The following ERI1 variants were observed in gnomAD, a reference collection of about 807,000 sequenced individuals.
The protein encoded by ERI1 is exoribonuclease 1, also known as 3'-5' exoribonuclease 1.
ERI1 carries 39 observed loss-of-function variants against 39.7 expected under a neutral mutation model. The ratio of observed to expected loss-of-function variants is 0.98; its 90% confidence interval spans 0.76 to 1.28. The LOEUF is 1.28. Ranked by LOEUF, ERI1 falls within the 50% of genes most tolerant of loss-of-function variation. The probability of loss-of-function intolerance (pLI) is 0.00; values close to 1 mark genes in which losing one functional copy is unlikely to be tolerated. For synonymous variants in ERI1, 204 were observed against 149.6 expected, an observed-to-expected ratio of 1.36 and a Z score of -2.65; for missense variants, 581 against 416.9, an observed-to-expected ratio of 1.39 and a Z score of -3.43.
chr8:9,012,150 A>G (rs564137647), intron 3 of ERI1, among the ~76,000 whole-genome samples: 2 of 152,190 alleles, frequency 1.3e-5, no homozygotes, highest in African/African-American at 2.4e-5. Context: ...TGGTTTTAAT[A>G]TGCGGTCAGG....
At chr8:9,013,909 C>T (rs1314044403) in intron 3 of ERI1, among the ~76,000 whole-genome samples, 1 of 152,186 alleles carries the variant, frequency 6.6e-6, no homozygotes, top group Non-Finnish European at 1.5e-5. Context: ...GCTGTGACTT[C>T]ATTCTGATCC....
chr8:9,010,178 G>C (rs1816511872), intron 2 of ERI1, among the ~76,000 whole-genome samples: 1 of 152,186 alleles, frequency 6.6e-6, no homozygotes, highest in South Asian at 2.1e-4. Flanking sequence ...ATATTTGGAA[G>C]AGCAAAGGAG....
intron 3 of ERI1, among the ~76,000 whole-genome samples, chr8:9,040,662 A>C (rs1287390654): frequency 6.6e-6 from 1 of 151,636 alleles, no homozygotes; most frequent in Non-Finnish European, 1.5e-5. Flanking sequence ...CCTCTGGTCC[A>C]GTGTTGAAAA....
At chr8:9,005,513 TG>T (rs1230886227) in intron 1 of ERI1, among the ~76,000 whole-genome samples, 10 of 148,652 alleles carry the variant, frequency 6.7e-5, no homozygotes, top group South Asian at 2.1e-4. Flanking sequence ...AGTTTTTTTA[TG>T]TTTTTTTTTT....
At chr8:9,022,514 C>T (rs750084368) in intron 6 of ERI1, among the ~76,000 whole-genome samples, 2 of 152,168 alleles carry the variant, frequency 1.3e-5, no homozygotes, top group Non-Finnish European at 2.9e-5. Context: ...GTTCTCCTGT[C>T]TCAGCATCCC....
chr8:9,053,358 C>T (rs1033665584), intron 3 of ERI1, among the ~76,000 whole-genome samples: 1 of 152,062 alleles, frequency 6.6e-6, no homozygotes, highest in African/African-American at 2.4e-5. Context: ...GTCATGACAC[C>T]TCAATAAAAA....
At chr8:9,036,292 G>A (rs1201077628), downstream of ERI1, among the ~76,000 whole-genome samples, 1 of 152,186 alleles carries the variant, frequency 6.6e-6, no homozygotes, top group East Asian at 1.9e-4. Flanking sequence ...ACAAATATCA[G>A]TTGATGGAGC....
At chr8:9,099,102 TG>T (rs1196045271) in intron 3 of ERI1, among the ~76,000 whole-genome samples, 1 of 152,156 alleles carries the variant, frequency 6.6e-6, no homozygotes, top group Non-Finnish European at 1.5e-5. Context: ...CTCAAAGTGC[TG>T]GGATTACAGG....
chr8:9,007,065 T>C (rs1178411544), intron 1 of ERI1, among the ~76,000 whole-genome samples: 1 of 152,240 alleles, frequency 6.6e-6, no homozygotes, highest in Non-Finnish European at 1.5e-5. Flanking sequence ...ATTTGTGATA[T>C]TGCATGTGGA....
chr8:9,067,687 A>C (rs901491677), intron 3 of ERI1, among the ~76,000 whole-genome samples: 3 of 150,370 alleles, frequency 2.0e-5, no homozygotes, highest in African/African-American at 7.3e-5. Flanking sequence ...AAGACCTTCC[A>C]TAACATGGAT....
Position 9,021,829 on chromosome 8 carries a change from C to G in ERI1, c.807+1365C>G, listed in dbSNP as rs185566490. Among the ~76,000 whole-genome samples the G allele has an allele frequency of 9.7e-5, 14 of 144,956 alleles. No individual in the cohort carries two copies. The East Asian group carries it at 2.6e-3, about 27-fold the overall frequency. The stretch of plus-strand genomic sequence containing the variant: ...AGATCCATCCACGTCTTGTATGTCA[C>G]TGCAGTTCATTCACTTTATTGCTAT... On this transcript the variant is annotated intron_variant, in intron 6 of 6. Coordinates refer to ENST00000250263, the MANE Select transcript of ERI1 (RefSeq NM_153332.4).
At chr8:9,088,039 G>C (rs1286830516) in intron 3 of ERI1, among the ~76,000 whole-genome samples, 2 of 152,158 alleles carry the variant, frequency 1.3e-5, no homozygotes, top group East Asian at 3.9e-4. Flanking sequence ...CTACATGTGT[G>C]ACTCACGCTG....
intron 1 of ERI1, among the ~76,000 whole-genome samples, chr8:9,005,737 G>A (rs564556249): frequency 1.3e-5 from 2 of 151,714 alleles, no homozygotes; most frequent in Non-Finnish European, 2.9e-5. Flanking sequence ...CTCGTTATCC[G>A]CCCGCCTCGG....
intron 3 of ERI1, among the ~76,000 whole-genome samples, chr8:9,062,185 T>C (rs948643619): frequency 1.6e-4 from 25 of 152,174 alleles, no homozygotes; most frequent in Non-Finnish European, 2.5e-4. Context: ...GGACAGGATA[T>C]TGGCATTGAG....
chr8:9,019,313 T>C (rs539289457), intron 5 of ERI1, among the ~76,000 whole-genome samples: 1 of 152,302 alleles, frequency 6.6e-6, no homozygotes, highest in South Asian at 2.1e-4. Flanking sequence ...CATAGAGGGT[T>C]TGGAGATCCT....
At chr8:9,052,796 T>C (rs1433083304) in intron 3 of ERI1, among the ~76,000 whole-genome samples, 1 of 152,180 alleles carries the variant, frequency 6.6e-6, no homozygotes, top group Non-Finnish European at 1.5e-5. Flanking sequence ...TGTCTGTTGT[T>C]ATACATGAAT....
chr8:9,054,793 C>T (rs774392691), intron 3 of ERI1, among the ~76,000 whole-genome samples: 19 of 152,120 alleles, frequency 1.2e-4, no homozygotes, highest in Admixed American at 3.3e-4. Flanking sequence ...GGCGCAGTGG[C>T]GGCAGGCACC....
At chr8:9,008,518 AGTTT>A (rs1291191402) in intron 2 of ERI1, among the ~76,000 whole-genome samples, 4 of 152,222 alleles carry the variant, frequency 2.6e-5, no homozygotes, top group African/African-American at 4.8e-5. Context: ...TTATAAAAAG[AGTTT>A]GTTTGAAATC....
At chr8:9,045,671 A>G (rs1034322863) in intron 3 of ERI1, among the ~76,000 whole-genome samples, 3 of 147,998 alleles carry the variant, frequency 2.0e-5, no homozygotes, top group African/African-American at 7.7e-5. Flanking sequence ...ATCAGAATCT[A>G]TAGAATTTTT....
Sources: allele counts gnomAD v4.1 joint callset (sites outside exome capture counted in the v4.1 genomes callset), GRCh38; gene constraint gnomAD v4.1.1; transcripts MANE v1.5; gene names NCBI Gene and HGNC (gene_info 2026-07-23, HGNC 2026-07-21).